Variants in EYA4 observed in about 807,000 individuals in gnomAD.
EYA4 encodes the protein protein phosphatase EYA4.
In EYA4, 31 loss-of-function variants were observed where a neutral mutation model predicts 87.9. The observed-to-expected ratio is 0.35, with a 90% CI of 0.27 to 0.48. The LOEUF (loss-of-function observed/expected upper bound fraction) is 0.48, where lower values mean the gene tolerates loss of function less well. Among genes scored for constraint, EYA4 ranks in the 20% least tolerant of loss-of-function variants. The pLI, the probability that EYA4 is intolerant of heterozygous loss-of-function variation, is 0.99. For missense variants in EYA4, 678 were observed against 761.4 expected, an observed-to-expected ratio of 0.89 and a Z score of 1.29; for synonymous variants, 263 against 270.6, an observed-to-expected ratio of 0.97 and a Z score of 0.28.
Position 133,382,420 on chromosome 6 carries a change from T to G in EYA4, c.62T>G (p.Val21Gly), listed in dbSNP as rs1786300577. Residue 21 changes from valine to glycine, a missense_variant, in exon 3 of 20, where the codon GTT (valine) becomes GGT (glycine). Physicochemically the swap from Val to Gly is moderately radical, Grantham distance 109 (BLOSUM62 -3). Transcript: ENST00000355286. ...SVKKTCTESD[V>G]SQSQNSRSME... is the part of the protein sequence containing the mutation. The stretch of plus-strand genomic sequence containing the variant: ...AAGAAAACGTGCACAGAATCAGATG[T>G]TTCACAATCTCAGAATTCCAGGTAC... The G allele has an allele frequency of 2.5e-6, 4 of 1,611,254 alleles. No individual in the cohort carries two copies. The highest frequency in any genetic ancestry group is 1.7e-4 in the Middle Eastern group (1 of 6,052).
intron 2 of EYA4, among the ~76,000 whole-genome samples, chr6:133,319,485 T>C (rs1322324195): frequency 6.6e-6 from 1 of 151,220 alleles, no homozygotes; most frequent in African/African-American, 2.4e-5. Flanking sequence ...CTTGGTGGAC[T>C]TCTCTTTGCT....
At chr6:133,304,530 C>T (rs891569527) in intron 2 of EYA4, among the ~76,000 whole-genome samples, 1 of 152,160 alleles carries the variant, frequency 6.6e-6, no homozygotes, top group African/African-American at 2.4e-5. Flanking sequence ...GATAAGGATT[C>T]TCAAGCTGTG....
chr6:133,510,570 A>G (rs368495248), intron 14 of EYA4: 112 of 253,190 alleles, frequency 4.4e-4, no homozygotes, highest in African/African-American at 2.3e-3. Context: ...ATTGCTTGCA[A>G]TGCCTTTACT....
rs1800973804 is a variant in EYA4, at chr6:133,530,948, G to T, written c.*2143G>T. On this transcript the variant is annotated 3_prime_UTR_variant, in exon 20 of 20. Coordinates refer to ENST00000355286, the MANE Select transcript of EYA4 (RefSeq NM_004100.5). ...GATTATCAGTACTTAATTATGTTGT[G>T]CACTAAAACCTTAAATATTTATTAC... 8.2e-7 allele frequency: 1 copy of T among 1,214,724 alleles called. No individual in the cohort carries two copies. Among genetic ancestry groups the T allele is most frequent in the Non-Finnish European group, 1.0e-6 (1 of 973,732 alleles). The allele number at this position is 1,214,724 out of a possible 1,614,324, so 75.2% of individuals were successfully genotyped here.
chr6:133,499,113 T>C (rs1797887059), intron 13 of EYA4, among the ~76,000 whole-genome samples: 2 of 152,308 alleles, frequency 1.3e-5, no homozygotes, highest in Non-Finnish European at 2.9e-5. Context: ...CCTGAAGTTT[T>C]CAGTTCCTTT....
At chr6:133,373,988 A>C (rs1314048211) in intron 2 of EYA4, among the ~76,000 whole-genome samples, 2 of 152,066 alleles carry the variant, frequency 1.3e-5, no homozygotes, top group Non-Finnish European at 2.9e-5. Context: ...TAATGAAAAA[A>C]TATACCATTA....
chr6:133,421,232 C>T (rs1002539644), intron 3 of EYA4, among the ~76,000 whole-genome samples: 5 of 152,226 alleles, frequency 3.3e-5, no homozygotes, highest in Non-Finnish European at 5.9e-5. Flanking sequence ...GTTCCTACTA[C>T]ACGCTGATTA....
At chr6:133,409,802 A>G (rs923283315) in intron 3 of EYA4, among the ~76,000 whole-genome samples, 2 of 152,170 alleles carry the variant, frequency 1.3e-5, no homozygotes, top group Non-Finnish European at 2.9e-5. Context: ...ACTGTAATGT[A>G]TACCAGAAAT....
rs146903260 is a variant in EYA4, at chr6:133,418,166, G to GC, written c.84-28464_84-28463insC. On this transcript the variant is annotated intron_variant, in intron 3 of 19. Coordinates refer to ENST00000355286, the MANE Select transcript of EYA4 (RefSeq NM_004100.5). Reference sequence around the variant, plus strand: ...TATTCATCCTTCAGCAGCTGGAGGAGAGCCATATACACTCTAAATCTGTGT... The same window carrying GC: ...TATTCATCCTTCAGCAGCTGGAGGAGCAGCCATATACACTCTAAATCTGTGT... Among the ~76,000 whole-genome samples the GC allele has an allele frequency of 4.2e-3, 633 of 152,272 alleles. 33 individuals carry two copies. The East Asian group carries it at 0.11, about 26-fold the overall frequency.
intron 6 of EYA4, among the ~76,000 whole-genome samples, chr6:133,459,991 A>T (rs957364919): frequency 1.3e-5 from 2 of 152,128 alleles, no homozygotes; most frequent in African/African-American, 4.8e-5. Flanking sequence ...TAAATGATGC[A>T]TGTTTGTGAA....
Position 133,512,839 on chromosome 6 carries a change from A to G in EYA4, c.1341-39A>G, listed in dbSNP as rs1335818910. On this transcript the variant is annotated intron_variant, in intron 15 of 19. Transcript: ENST00000355286. ...GAAATTCGGCTGTGGAGTTTTGCACATGTAATTATTTCTTTTTAATGTATT... is the reference window on the plus strand; with the variant it reads ...GAAATTCGGCTGTGGAGTTTTGCACGTGTAATTATTTCTTTTTAATGTATT... 3.1e-6 allele frequency: 5 copies of G among 1,613,126 alleles called. No homozygotes were observed. In the South Asian group the frequency reaches 4.4e-5, roughly 14 times the overall value.
chr6:133,338,180 A>G (rs1782517044), intron 2 of EYA4, among the ~76,000 whole-genome samples: 1 of 152,128 alleles, frequency 6.6e-6, no homozygotes, highest in Non-Finnish European at 1.5e-5. Flanking sequence ...AATTACCAAA[A>G]TATTTCTACC....
chr6:133,362,811 C>T (rs987759256), intron 2 of EYA4, among the ~76,000 whole-genome samples: 1 of 152,202 alleles, frequency 6.6e-6, no homozygotes, highest in African/African-American at 2.4e-5. Context: ...TAGAACTGTT[C>T]TCTCCCTCTC....
intron 6 of EYA4, 147 bp from the exon 7 acceptor site, chr6:133,460,967 A>C: frequency 1.4e-6 from 1 of 695,804 alleles, no homozygotes; most frequent in Non-Finnish European, 2.6e-6. Context: ...ATTAGGAGAA[A>C]GTGTTTAGGC....
chr6:133,482,254 A>T lies in EYA4; in HGVS notation c.1107+655A>T, dbSNP rs546714711. On this transcript the variant is annotated intron_variant, in intron 12 of 19. Coordinates refer to ENST00000355286, the MANE Select transcript of EYA4 (RefSeq NM_004100.5). Reference sequence around the variant, plus strand: ...CTTCCAGATTTAGTAAAATCAAGTGACAGACGTTGTGATTCTTTATAAGAG... The same window carrying T: ...CTTCCAGATTTAGTAAAATCAAGTGTCAGACGTTGTGATTCTTTATAAGAG... Among the ~76,000 whole-genome samples the T allele has an allele frequency of 9.0e-4, 137 of 152,376 alleles. No individual in the cohort carries two copies. The South Asian group carries it at 9.9e-3, about 11-fold the overall frequency.
chr6:133,387,942 C>A (rs1786895890), intron 3 of EYA4, among the ~76,000 whole-genome samples: 1 of 152,114 alleles, frequency 6.6e-6, no homozygotes, highest in South Asian at 2.1e-4. Flanking sequence ...GATATGGATG[C>A]AGATGGGGCT....
Position 133,469,937 on chromosome 6 carries a change from G to A in EYA4, c.970+1206G>A, listed in dbSNP as rs550912033. 4.6e-5 allele frequency among the ~76,000 whole-genome samples: 7 copies of A among 151,908 alleles called. No homozygotes were observed. The East Asian group carries it at 1.4e-3, about 29-fold the overall frequency. On this transcript the variant is annotated intron_variant, in intron 11 of 19. Transcript: ENST00000355286. ...CCTTCGCCCACTTTTTGATGGGGTT[G>A]TTTGTTTTCTTCTTGTAAATTTGTT...
Position 133,274,712 on chromosome 6 carries a change from TTAGA to T in EYA4, c.-65_-62del. ...TCCCCTTTGTTTCCATCTTCTTGTT[TTAGA>T]TAGTCATTTTTACTTGAAGGAAGCT... On this transcript the variant is annotated splice_acceptor_variant and splice_polypyrimidine_tract_variant and 5_prime_UTR_variant and intron_variant, in exon 2 of 20. Transcript: ENST00000355286. LOFTEE classifies it low-confidence loss of function (5UTR_SPLICE). 2 of 1,302,730 alleles carry T rather than the reference TTAGA, an allele frequency of 1.5e-6. No homozygotes were observed. The highest frequency in any genetic ancestry group is 2.3e-5 in the East Asian group (1 of 43,390). 80.7% of individuals were successfully genotyped at this position (1,302,730 alleles called of 1,614,324 possible). A position where few individuals can be genotyped will look rare whatever the true frequency, so the allele number is the denominator to read the frequency against.
intron 1 of EYA4, among the ~76,000 whole-genome samples, chr6:133,268,034 G>A (rs1250380475): frequency 6.6e-6 from 1 of 152,090 alleles, no homozygotes; most frequent in East Asian, 1.9e-4. Flanking sequence ...CATTGAATAT[G>A]TATACAATAA....
Sources: allele counts gnomAD v4.1 joint callset (sites outside exome capture counted in the v4.1 genomes callset), GRCh38; gene constraint gnomAD v4.1.1; transcripts MANE v1.5; gene names NCBI Gene and HGNC (gene_info 2026-07-23, HGNC 2026-07-21).